The following GRM5 variants were observed in gnomAD, a reference collection of about 807,000 sequenced individuals.
GRM5 encodes glutamate metabotropic receptor 5, also known as metabotropic glutamate receptor 5.
In GRM5, 19 loss-of-function variants were observed where a neutral mutation model predicts 83.1. The observed-to-expected ratio is 0.23, with a 90% CI of 0.16 to 0.34. GRM5 has a LOEUF of 0.34. GRM5 is among the 10% of genes least tolerant of loss of function. GRM5 has a pLI of 1.00. For missense variants in GRM5, 1,160 were observed against 1,588.3 expected, an observed-to-expected ratio of 0.73 and a Z score of 4.58; for synonymous variants, 675 against 633.6, an observed-to-expected ratio of 1.07 and a Z score of -0.98.
rs1481572258 is a variant in GRM5 at position 88,610,912 on chromosome 11, A to G, written c.1148-5948T>C. Among the ~76,000 whole-genome samples, 4 of 152,204 alleles carry G rather than the reference A, an allele frequency of 2.6e-5. No individual in the cohort carries two copies. In the South Asian group the frequency reaches 6.2e-4, roughly 24 times the overall value. ...TGTTCCTTTGTTGCCTAACTTGTTC[A>G]GAGTTTTTAACATGAAGGGATATTG... On this transcript the variant is annotated intron_variant, in intron 4 of 9. Transcript: ENST00000305447.
At chr11:88,861,847 A>C (rs2135551658) in intron 2 of GRM5, among the ~76,000 whole-genome samples, 1 of 152,248 alleles carries the variant, frequency 6.6e-6, no homozygotes, top group African/African-American at 2.4e-5. Flanking sequence ...ATGTCATAGG[A>C]TATTGTTTAT....
At chr11:89,045,198 T>C (rs544263068) in intron 2 of GRM5, among the ~76,000 whole-genome samples, 3 of 152,328 alleles carry the variant, frequency 2.0e-5, no homozygotes, top group South Asian at 4.1e-4. Flanking sequence ...GCAATTTCTA[T>C]TGTCTTTTGT....
chr11:89,006,346 T>C (rs1940523105), intron 2 of GRM5, among the ~76,000 whole-genome samples: 3 of 152,232 alleles, frequency 2.0e-5, no homozygotes, highest in Admixed American at 2.0e-4. Context: ...AAAGTATTTC[T>C]TTTTATACCC....
At chr11:88,526,205 C>A (rs769250622) in intron 8 of GRM5, among the ~76,000 whole-genome samples, 34 of 152,114 alleles carry the variant, frequency 2.2e-4, no homozygotes, top group East Asian at 7.7e-4. Context: ...TTTGAAGATA[C>A]CAGATATTTC....
intron 3 of GRM5, among the ~76,000 whole-genome samples, chr11:88,707,632 A>G (rs1941192840): frequency 6.6e-6 from 1 of 152,138 alleles, no homozygotes; most frequent in Non-Finnish European, 1.5e-5. Context: ...GAGGGGCTTG[A>G]GCATCTGTGG....
chr11:88,545,629 C>CT, intron 8 of GRM5, among the ~76,000 whole-genome samples: 1 of 152,082 alleles, frequency 6.6e-6, no homozygotes, highest in East Asian at 1.9e-4. Flanking sequence ...TAGCACCCAT[C>CT]TTTAAGTATT....
intron 1 of GRM5, among the ~76,000 whole-genome samples, chr11:89,051,110 A>G (rs1027341763): frequency 1.3e-5 from 2 of 151,916 alleles, no homozygotes; most frequent in Non-Finnish European, 2.9e-5. Flanking sequence ...AAATACTTAA[A>G]ATTAAAGTTA....
At chr11:88,864,698 A>T (rs754452302) in intron 2 of GRM5, among the ~76,000 whole-genome samples, 6 of 152,032 alleles carry the variant, frequency 3.9e-5, no homozygotes, top group Non-Finnish European at 2.9e-5. Flanking sequence ...CAGAACTTCC[A>T]ATACTATGTT....
At chr11:88,927,145 C>T (rs1386712374) in intron 2 of GRM5, among the ~76,000 whole-genome samples, 2 of 152,002 alleles carry the variant, frequency 1.3e-5, no homozygotes, top group Non-Finnish European at 2.9e-5. Flanking sequence ...ATGAACTTAG[C>T]GGAATGCTCA....
At chr11:88,920,153 C>T (rs1565292340) in intron 2 of GRM5, among the ~76,000 whole-genome samples, 2 of 151,634 alleles carry the variant, frequency 1.3e-5, no homozygotes, top group African/African-American at 4.8e-5. Context: ...AACCTTTAGC[C>T]AGACTAAAAA....
intron 3 of GRM5, among the ~76,000 whole-genome samples, chr11:88,772,134 C>T (rs1258977114): frequency 2.0e-5 from 3 of 151,814 alleles, no homozygotes. Flanking sequence ...TATCTTGAAA[C>T]TCTTAACATT....
intron 2 of GRM5, among the ~76,000 whole-genome samples, chr11:89,017,313 C>T (rs1300341866): frequency 3.3e-5 from 5 of 152,054 alleles, no homozygotes; most frequent in Non-Finnish European, 7.4e-5. Context: ...CTAGTTTATG[C>T]CCTACAAAAT....
chr11:88,935,149 T>C (rs1032227264), intron 2 of GRM5, among the ~76,000 whole-genome samples: 1 of 151,976 alleles, frequency 6.6e-6, no homozygotes, highest in African/African-American at 2.4e-5. Flanking sequence ...AGCTTTCAAC[T>C]TCACTAACAA....
chr11:88,900,631 TAATA>T (rs1354161520), intron 2 of GRM5, among the ~76,000 whole-genome samples: 3 of 152,158 alleles, frequency 2.0e-5, no homozygotes, highest in African/African-American at 7.2e-5. Flanking sequence ...ATATTAATTG[TAATA>T]AATATTCAAT....
intron 3 of GRM5, among the ~76,000 whole-genome samples, chr11:88,728,542 G>T (rs772197975): frequency 5.3e-5 from 8 of 152,134 alleles, no homozygotes; most frequent in Non-Finnish European, 1.2e-4. Flanking sequence ...GCATCATCCT[G>T]ATACCAAAAC....
intron 3 of GRM5, among the ~76,000 whole-genome samples, chr11:88,841,117 G>C (rs1944192499): frequency 6.6e-6 from 1 of 152,112 alleles, no homozygotes; most frequent in Admixed American, 6.6e-5. Context: ...ACTCCTTCCT[G>C]CCTTAAATCC....
intron 3 of GRM5, among the ~76,000 whole-genome samples, chr11:88,814,766 A>G (rs560003652): frequency 6.6e-6 from 1 of 152,234 alleles, no homozygotes; most frequent in South Asian, 2.1e-4. Context: ...GCTATCAGGC[A>G]TACAGAATAG....
chr11:88,834,827 T>C (rs577611125), intron 3 of GRM5, among the ~76,000 whole-genome samples: 2 of 152,178 alleles, frequency 1.3e-5, no homozygotes, highest in Non-Finnish European at 2.9e-5. Context: ...GGGAGTCACC[T>C]CTGTTCTCCA....
At chr11:89,026,922 G>A (rs1941141261) in intron 2 of GRM5, among the ~76,000 whole-genome samples, 1 of 152,132 alleles carries the variant, frequency 6.6e-6, no homozygotes, top group Non-Finnish European at 1.5e-5. Flanking sequence ...AAGTGGAGGT[G>A]TTGAAGTAAG....
Sources: allele counts gnomAD v4.1 joint callset (sites outside exome capture counted in the v4.1 genomes callset), GRCh38; gene constraint gnomAD v4.1.1; transcripts MANE v1.5; gene names NCBI Gene and HGNC (gene_info 2026-07-23, HGNC 2026-07-21).